The following CPPED1 variants were observed in gnomAD, a reference collection of about 807,000 sequenced individuals.
CPPED1 encodes serine/threonine-protein phosphatase CPPED1.
CPPED1 carries 28 observed loss-of-function variants against 28.0 expected under a neutral mutation model. The ratio of observed to expected loss-of-function variants is 1.00; its 90% CI spans 0.74 to 1.37. The LOEUF (loss-of-function observed/expected upper bound fraction) is 1.37. Ranked by LOEUF, CPPED1 falls within the 40% of genes most tolerant of loss-of-function variation. CPPED1 has a pLI of 0.00. For missense variants in CPPED1, 504 were observed against 416.5 expected (o/e 1.21, Z -1.83); for synonymous variants, 198 against 180.2 (o/e 1.10, Z -0.79).
intron 1 of CPPED1, among the ~76,000 whole-genome samples, chr16:12,803,312 G>A (rs1157455792): frequency 6.6e-6 from 1 of 152,190 alleles, no homozygotes; most frequent in African/African-American, 2.4e-5. Context: ...AACATGCACC[G>A]AACGCTTATC....
intron 3 of CPPED1, among the ~76,000 whole-genome samples, chr16:12,697,859 C>G (rs892722790): frequency 2.0e-5 from 3 of 152,156 alleles, no homozygotes; most frequent in Admixed American, 6.6e-5. Context: ...TGCCTGTAAT[C>G]TTAGCACTTT....
At chr16:12,769,990 A>C (rs1396962010) in intron 2 of CPPED1, among the ~76,000 whole-genome samples, 1 of 152,222 alleles carries the variant, frequency 6.6e-6, no homozygotes, top group Non-Finnish European at 1.5e-5. Flanking sequence ...CTTTAAAAAC[A>C]AAACCAAACA....
At chr16:12,683,984 G>A (rs1031887052) in intron 3 of CPPED1, among the ~76,000 whole-genome samples, 3 of 152,192 alleles carry the variant, frequency 2.0e-5, no homozygotes, top group East Asian at 1.9e-4. Context: ...CAGGGCTTCC[G>A]GGCACTGGGT....
At chr16:12,757,221 G>A (rs1054752719) in intron 2 of CPPED1, among the ~76,000 whole-genome samples, 1 of 152,170 alleles carries the variant, frequency 6.6e-6, no homozygotes, top group African/African-American at 2.4e-5. Context: ...GGGCTGAGGG[G>A]TTTCCCAGGA....
At chr16:12,797,349 A>AG (rs1434566092) in intron 1 of CPPED1, among the ~76,000 whole-genome samples, 1 of 152,188 alleles carries the variant, frequency 6.6e-6, no homozygotes, top group East Asian at 1.9e-4. Context: ...CCAAGAGTTC[A>AG]AGACTAACCT....
intron 2 of CPPED1, among the ~76,000 whole-genome samples, chr16:12,741,839 T>TCAGGAGTTCGAAAC (rs546480120): frequency 6.6e-6 from 1 of 152,108 alleles, no homozygotes; most frequent in South Asian, 2.1e-4. Context: ...TCACTTGAGG[T>TCAGGAGTTCGAAAC]CAGGAGTTCG....
intron 2 of CPPED1, among the ~76,000 whole-genome samples, chr16:12,738,039 C>T (rs1036007558): frequency 6.6e-6 from 1 of 152,170 alleles, no homozygotes; most frequent in Non-Finnish European, 1.5e-5. Flanking sequence ...AGGTAGAGGG[C>T]CTGTTGGCAG....
chr16:12,680,589 AG>A lies in CPPED1; in HGVS notation c.716-15475del, dbSNP rs1488205270. Among the ~76,000 whole-genome samples the A allele has an allele frequency of 2.6e-5, 4 of 152,284 alleles. No individual in the cohort carries two copies. In the East Asian group the frequency reaches 7.7e-4, roughly 29 times the overall value. On this transcript the variant is annotated intron_variant, in intron 3 of 3. Coordinates refer to ENST00000381774, the MANE Select transcript of CPPED1 (RefSeq NM_018340.3). The stretch of plus-strand genomic sequence containing the variant: ...GATTCAGGGGGCAGAGACAGCCCCC[AG>A]GGAAGAAGGAGTCTTGTCTGCACAG...
intron 1 of CPPED1, among the ~76,000 whole-genome samples, chr16:12,788,032 G>C (rs1003509702): frequency 6.6e-6 from 1 of 152,222 alleles, no homozygotes; most frequent in Non-Finnish European, 1.5e-5. Flanking sequence ...TTCCTCACTG[G>C]CTGCTGCCTG....
At chr16:12,738,250 A>C (rs2080237225) in intron 2 of CPPED1, among the ~76,000 whole-genome samples, 1 of 152,142 alleles carries the variant, frequency 6.6e-6, no homozygotes, top group African/African-American at 2.4e-5. Flanking sequence ...ATTGCAGCAC[A>C]CAAAACCGCA....
intron 2 of CPPED1, among the ~76,000 whole-genome samples, chr16:12,744,629 C>G (rs2080275599): frequency 1.3e-5 from 2 of 152,156 alleles, no homozygotes; most frequent in African/African-American, 4.8e-5. Flanking sequence ...AAGGGTCTGA[C>G]AGTCTCCCTG....
intron 2 of CPPED1, among the ~76,000 whole-genome samples, chr16:12,751,057 G>A (rs1341625665): frequency 1.3e-5 from 2 of 151,340 alleles, no homozygotes; most frequent in African/African-American, 4.8e-5. Flanking sequence ...CCTTCAATAT[G>A]TAAAAAAACA....
intron 2 of CPPED1, among the ~76,000 whole-genome samples, chr16:12,770,360 C>T (rs1484745678): frequency 6.6e-6 from 1 of 152,198 alleles, no homozygotes; most frequent in African/African-American, 2.4e-5. Context: ...TTAACTCCCA[C>T]CTGGCGTTAC....
chr16:12,716,442 G>A (rs1225111106), intron 2 of CPPED1, among the ~76,000 whole-genome samples: 2 of 152,224 alleles, frequency 1.3e-5, no homozygotes, highest in African/African-American at 4.8e-5. Flanking sequence ...TCGCTGGAAG[G>A]AAAGAGCACA....
intron 2 of CPPED1, among the ~76,000 whole-genome samples, chr16:12,768,373 A>G (rs1262516860): frequency 6.6e-6 from 1 of 152,178 alleles, no homozygotes; most frequent in Non-Finnish European, 1.5e-5. Flanking sequence ...TTTATTTTTA[A>G]CCTAATCAAA....
chr16:12,706,461 T>C (rs1230422493), intron 2 of CPPED1, among the ~76,000 whole-genome samples: 1 of 137,524 alleles, frequency 7.3e-6, no homozygotes, highest in Non-Finnish European at 1.6e-5. Context: ...CCTCTCTCCC[T>C]TCCTTCCTTC....
At chr16:12,690,343 G>A (rs1353371710) in intron 3 of CPPED1, among the ~76,000 whole-genome samples, 1 of 152,026 alleles carries the variant, frequency 6.6e-6, no homozygotes, top group Admixed American at 6.6e-5. Flanking sequence ...GTGAAACCCA[G>A]TCTTTATTGA....
At chr16:12,696,901 C>T (rs1338200671) in intron 3 of CPPED1, among the ~76,000 whole-genome samples, 1 of 152,158 alleles carries the variant, frequency 6.6e-6, no homozygotes, top group Non-Finnish European at 1.5e-5. Context: ...CCTGTCTGTT[C>T]ACCTGCCATG....
intron 2 of CPPED1, among the ~76,000 whole-genome samples, chr16:12,749,246 A>G (rs577092264): frequency 3.7e-4 from 57 of 152,236 alleles, no homozygotes; most frequent in Non-Finnish European, 4.0e-4. Flanking sequence ...AAACAATGCC[A>G]CTGCATTGTG....
Sources: allele counts gnomAD v4.1 joint callset (sites outside exome capture counted in the v4.1 genomes callset), GRCh38; gene constraint gnomAD v4.1.1; transcripts MANE v1.5; gene names NCBI Gene and HGNC (gene_info 2026-07-23, HGNC 2026-07-21).